The following DAW1 variants were observed in gnomAD, a reference collection of about 807,000 sequenced individuals.
DAW1 encodes dynein assembly factor with WD repeats 1.
A neutral mutation model predicts 56.5 loss-of-function variants in DAW1; 47 were observed. The ratio of observed to expected loss-of-function variants is 0.83; its 90% confidence interval spans 0.66 to 1.06. The LOEUF (loss-of-function observed/expected upper bound fraction) is 1.06. Ranked by LOEUF, DAW1 falls within the 50% of genes least tolerant of loss-of-function variation. The pLI, the probability that DAW1 is intolerant of heterozygous loss-of-function variation, is 0.00. For synonymous variants in DAW1, 190 were observed against 179.0 expected, an observed-to-expected ratio of 1.06 and a Z score of -0.49; for missense variants, 505 against 499.3, an observed-to-expected ratio of 1.01 and a Z score of -0.11.
At chr2:227,895,540 G>A (rs1200966274) in intron 5 of DAW1, 1 of 152,302 alleles carries the variant, frequency 6.6e-6, no homozygotes, top group Non-Finnish European at 1.5e-5. Flanking sequence ...ATGCCAGAAG[G>A]ATGGAGGGTG....
chr2:227,874,218 A>G (rs796626346), intron 1 of DAW1, among the ~76,000 whole-genome samples: 7 of 152,226 alleles, frequency 4.6e-5, no homozygotes, highest in African/African-American at 1.7e-4. Context: ...GCTTCTCACC[A>G]TATACAATAA....
intron 12 of DAW1, 112 bp from the exon 13 acceptor site, chr2:227,923,822 C>T: frequency 7.8e-7 from 1 of 1,288,588 alleles, no homozygotes; most frequent in East Asian, 2.5e-5. Context: ...GAACCTAGCC[C>T]ATTTAGCAAG....
intron 1 of DAW1, among the ~76,000 whole-genome samples, chr2:227,884,804 G>A (rs1281275600): frequency 4.6e-5 from 7 of 152,200 alleles, no homozygotes; most frequent in Non-Finnish European, 7.3e-5. Context: ...GGATAGGACT[G>A]TCCACCAATG....
intron 4 of DAW1, among the ~76,000 whole-genome samples, chr2:227,891,545 A>G (rs769446172): frequency 1.3e-5 from 2 of 152,178 alleles, no homozygotes; most frequent in African/African-American, 2.4e-5. Flanking sequence ...AAATGTAGCT[A>G]CTGAAGAACT....
intron 10 of DAW1, among the ~76,000 whole-genome samples, chr2:227,907,624 C>T (rs976130558): frequency 3.9e-5 from 6 of 152,100 alleles, no homozygotes; most frequent in African/African-American, 1.4e-4. Flanking sequence ...CTCGGCTCAA[C>T]GCAACCTCCG....
intron 5 of DAW1, 62 bp from the exon 6 acceptor site, chr2:227,898,120 T>A: frequency 1.1e-5 from 12 of 1,108,760 alleles, no homozygotes; most frequent in Non-Finnish European, 1.5e-5. Flanking sequence ...TATCTCATCT[T>A]AGTTCAGTTT....
At chr2:227,888,220 G>A (rs1691175491) in intron 2 of DAW1, among the ~76,000 whole-genome samples, 1 of 152,196 alleles carries the variant, frequency 6.6e-6, no homozygotes, top group Non-Finnish European at 1.5e-5. Context: ...AATTGAATGA[G>A]CAGGTTCCTA....
Position 227,871,719 on chromosome 2 carries a change from T to G in DAW1, c.30T>G (p.Tyr10Ter). The G allele has an allele frequency of 6.2e-7, 1 of 1,613,974 alleles. No homozygotes were observed. Among genetic ancestry groups the G allele is most frequent in the South Asian group, 1.1e-5 (1 of 91,056 alleles). MKLKSLLLR[Y>*]YPPGIMLEYE... ...AGCTCAAGAGCCTCCTGCTCCGGTA[T>G]TACCCGCCAGGTACGCACCAGCCCG... Residue 10 changes from tyrosine to a stop codon, truncating the protein, a stop_gained, in exon 1 of 13, where the codon TAT (tyrosine) becomes TAG (stop). Transcript: ENST00000309931. LOFTEE classifies it high-confidence loss of function.
chr2:227,899,353 A>G (rs1490351239), intron 6 of DAW1, among the ~76,000 whole-genome samples: 1 of 152,224 alleles, frequency 6.6e-6, no homozygotes. Context: ...TGTACTTTGA[A>G]GTTACTCTTA....
intron 1 of DAW1, among the ~76,000 whole-genome samples, chr2:227,884,614 G>A (rs566064443): frequency 6.6e-6 from 1 of 152,302 alleles, no homozygotes; most frequent in Admixed American, 6.5e-5. Flanking sequence ...GCAGGGCGCA[G>A]AAGGTACTTC....
chr2:227,922,573 T>G (rs2106220417), intron 12 of DAW1, among the ~76,000 whole-genome samples: 1 of 152,298 alleles, frequency 6.6e-6, no homozygotes, highest in East Asian at 1.9e-4. Flanking sequence ...ATTTAAAAAT[T>G]ACTAGTCTAA....
At chr2:227,923,826 T>C in intron 12 of DAW1, 108 bp from the exon 13 acceptor site, 2 of 1,333,684 alleles carry the variant, frequency 1.5e-6, no homozygotes, top group Non-Finnish European at 2.1e-6. Context: ...CTAGCCCATT[T>C]AGCAAGTTGT....
At chr2:227,909,890 A>G (rs183702590) in intron 10 of DAW1, among the ~76,000 whole-genome samples, 25 of 152,296 alleles carry the variant, frequency 1.6e-4, no homozygotes, top group Non-Finnish European at 2.9e-4. Context: ...ACCCAGAAAC[A>G]ATGTTTTACC....
chr2:227,918,936 T>C, intron 11 of DAW1, 80 bp downstream of exon 11: 1 of 1,358,752 alleles, frequency 7.4e-7, no homozygotes, highest in Non-Finnish European at 1.0e-6. Flanking sequence ...GCCTCACACC[T>C]ATAATCCCAG....
At chr2:227,876,189 T>G (rs1000250164) in intron 1 of DAW1, among the ~76,000 whole-genome samples, 9 of 152,088 alleles carry the variant, frequency 5.9e-5, no homozygotes, top group African/African-American at 1.9e-4. Flanking sequence ...CTAATTAATT[T>G]TTTTGTATTT....
chr2:227,903,962 C>T (rs907631639), intron 7 of DAW1, among the ~76,000 whole-genome samples: 4 of 150,628 alleles, frequency 2.7e-5, no homozygotes, highest in African/African-American at 9.8e-5. Flanking sequence ...TGTAAGTATA[C>T]TCTTTCTGTT....
chr2:227,894,415 T>TAA (rs1276622871), intron 5 of DAW1, among the ~76,000 whole-genome samples: 1 of 148,000 alleles, frequency 6.8e-6, no homozygotes, highest in Non-Finnish European at 1.5e-5. Flanking sequence ...GACTCTGTCT[T>TAA]AAAAAAAAAA....
intron 1 of DAW1, among the ~76,000 whole-genome samples, chr2:227,872,680 C>T (rs1284543469): frequency 2.0e-5 from 3 of 151,382 alleles, no homozygotes; most frequent in Non-Finnish European, 2.9e-5. Flanking sequence ...TGATCATTCA[C>T]TGCCTCCCCC....
intron 10 of DAW1, among the ~76,000 whole-genome samples, chr2:227,908,744 CTA>C (rs748860718): frequency 6.5e-4 from 99 of 152,318 alleles, no homozygotes; most frequent in Non-Finnish European, 1.2e-3. Flanking sequence ...TGGTACTATA[CTA>C]TGTCTCCATC....
Sources: gnomAD v4.1 joint callset for allele counts (sites outside exome capture counted in the v4.1 genomes callset) on GRCh38, gnomAD v4.1.1 for gene constraint, MANE v1.5 for transcripts, NCBI Gene and HGNC (gene_info 2026-07-23, HGNC 2026-07-21) for gene names.